Variants in POU6F2 observed in about 807,000 individuals in gnomAD.
POU6F2 encodes the protein POU domain, class 6, transcription factor 2.
Under a neutral mutation model 71.3 loss-of-function variants are expected in POU6F2, and 31 were observed. That is an observed-to-expected ratio of 0.43 (90% CI 0.33 to 0.59). The LOEUF (loss-of-function observed/expected upper bound fraction) is 0.59, where lower values mean the gene tolerates loss of function less well. Ranked by LOEUF, POU6F2 falls within the 20% of genes least tolerant of loss-of-function variation. The probability of loss-of-function intolerance (pLI) is 0.04; values close to 1 mark genes in which losing one functional copy is unlikely to be tolerated. For missense variants in POU6F2, 783 were observed against 856.8 expected, an observed-to-expected ratio of 0.91 and a Z score of 1.07; for synonymous variants, 347 against 355.7, an observed-to-expected ratio of 0.98 and a Z score of 0.27.
At chr7:39,228,583 A>G (rs543943831) in intron 4 of POU6F2, among the ~76,000 whole-genome samples, 1 of 152,362 alleles carries the variant, frequency 6.6e-6, no homozygotes, top group East Asian at 1.9e-4. Context: ...CTCAGAAAAT[A>G]AAGCGGGGTG....
chr7:39,112,412 A>G (rs944452471), intron 2 of POU6F2, among the ~76,000 whole-genome samples: 6 of 152,160 alleles, frequency 3.9e-5, no homozygotes, highest in African/African-American at 1.4e-4. Flanking sequence ...ACAGTACGTA[A>G]TATATTATTG....
At chr7:39,157,227 G>A (rs1792889382) in intron 2 of POU6F2, among the ~76,000 whole-genome samples, 1 of 152,150 alleles carries the variant, frequency 6.6e-6, no homozygotes, top group South Asian at 2.1e-4. Flanking sequence ...TGCATGAGAT[G>A]CTTATTGTTA....
At chr7:39,105,368 C>A (rs1228687922) in intron 2 of POU6F2, among the ~76,000 whole-genome samples, 1 of 151,392 alleles carries the variant, frequency 6.6e-6, no homozygotes, top group African/African-American at 2.4e-5. Context: ...TCATCTAAGT[C>A]ATAATTTTCT....
chr7:39,138,907 C>G (rs773657152), intron 2 of POU6F2, among the ~76,000 whole-genome samples: 5 of 152,118 alleles, frequency 3.3e-5, no homozygotes, highest in Non-Finnish European at 7.3e-5. Context: ...TCCTTCACCT[C>G]CTCTTGCTTG....
At chr7:39,044,544 TGATA>T (rs1235482582) in intron 1 of POU6F2, among the ~76,000 whole-genome samples, 1 of 152,016 alleles carries the variant, frequency 6.6e-6, no homozygotes, top group Non-Finnish European at 1.5e-5. Context: ...TTTCTGAGAC[TGATA>T]GATTTATAAA....
intron 2 of POU6F2, among the ~76,000 whole-genome samples, chr7:39,115,056 A>T (rs1458739007): frequency 6.6e-6 from 1 of 152,184 alleles, no homozygotes; most frequent in Non-Finnish European, 1.5e-5. Context: ...GACAAAAGTG[A>T]TCTCCCCAAT....
At chr7:39,033,886 T>C (rs1432755987) in intron 1 of POU6F2, among the ~76,000 whole-genome samples, 1 of 152,204 alleles carries the variant, frequency 6.6e-6, no homozygotes, top group Non-Finnish European at 1.5e-5. Context: ...TTTTCAGATG[T>C]GGTGCTTTTT....
chr7:38,990,948 TTTCTCGTCTA>T (rs1434805104), intron 1 of POU6F2, among the ~76,000 whole-genome samples: 1 of 152,082 alleles, frequency 6.6e-6, no homozygotes, highest in East Asian at 1.9e-4. Context: ...CTTGGTAGGT[TTTCTCGTCTA>T]TTCACATCTC....
In POU6F2 at chr7:39,214,495, G is replaced by A. The variant is rs555747474; in HGVS notation, c.598+6875G>A. On this transcript the variant is annotated intron_variant, in intron 4 of 9. Transcript: ENST00000518318. Reference sequence around the variant, plus strand: ...GCCTACTGTAGCCATCGAGGGCAAGGTCAGCAGCATTGTGATGCTTGGGCC... The same window carrying A: ...GCCTACTGTAGCCATCGAGGGCAAGATCAGCAGCATTGTGATGCTTGGGCC... 6.2e-4 allele frequency among the ~76,000 whole-genome samples: 94 copies of A among 152,308 alleles called. 2 individuals carry two copies. The South Asian group carries it at 0.019, about 31-fold the overall frequency.
At chr7:39,130,886 C>T (rs1197110887) in intron 2 of POU6F2, among the ~76,000 whole-genome samples, 1 of 152,128 alleles carries the variant, frequency 6.6e-6, no homozygotes, top group Non-Finnish European at 1.5e-5. Flanking sequence ...AGGAGGAATC[C>T]GGCCTTTCGG....
At chr7:39,227,963 C>G (rs1180097542) in intron 4 of POU6F2, among the ~76,000 whole-genome samples, 1 of 152,066 alleles carries the variant, frequency 6.6e-6, no homozygotes, top group Admixed American at 6.5e-5. Flanking sequence ...TGAAGTTGCT[C>G]TATTTTAGGT....
intron 2 of POU6F2, among the ~76,000 whole-genome samples, chr7:39,089,790 TA>T (rs1455986194): frequency 2.0e-5 from 3 of 152,228 alleles, no homozygotes. Context: ...TGAGATCTCA[TA>T]AAACATGCCC....
chr7:38,984,940 CACA>C (rs1418465910), intron 1 of POU6F2: 1 of 151,932 alleles, frequency 6.6e-6, no homozygotes, highest in Non-Finnish European at 1.5e-5. Context: ...AAGAACAAAG[CACA>C]ACATTTATAG....
Position 39,197,156 on chromosome 7 carries a change from G to A in POU6F2, c.278-7079G>A, listed in dbSNP as rs76130687. 2.5e-3 allele frequency among the ~76,000 whole-genome samples: 377 copies of A among 152,270 alleles called. 1 individual carries two copies. Among genetic ancestry groups the A allele is most frequent in the African/African-American group, 8.5e-3 (355 of 41,560 alleles). The stretch of plus-strand genomic sequence containing the variant: ...TTTCCTCACCTCCCCAGGACAGGAC[G>A]GGCTCTGGCTGCCCACTCTCTGCCC... On this transcript the variant is annotated intron_variant, in intron 2 of 9. Transcript: ENST00000518318.
At chr7:39,081,988 T>A (rs1032773086) in intron 1 of POU6F2, among the ~76,000 whole-genome samples, 9 of 152,226 alleles carry the variant, frequency 5.9e-5, no homozygotes, top group African/African-American at 9.6e-5. Flanking sequence ...CTCCGTCTCT[T>A]ACCCATACAA....
At chr7:39,418,083 A>G (rs1248900011) in intron 6 of POU6F2, among the ~76,000 whole-genome samples, 3 of 152,210 alleles carry the variant, frequency 2.0e-5, no homozygotes, top group Non-Finnish European at 2.9e-5. Flanking sequence ...GAAACTTCCA[A>G]TATCACCCAA....
At chr7:39,254,257 AT>A (rs1783976389) in intron 4 of POU6F2, among the ~76,000 whole-genome samples, 1 of 152,116 alleles carries the variant, frequency 6.6e-6, no homozygotes, top group African/African-American at 2.4e-5. Context: ...CCTCTTTCTT[AT>A]TTTTTTGTTT....
chr7:39,045,747 C>T (rs1790280567), intron 1 of POU6F2, among the ~76,000 whole-genome samples: 1 of 151,898 alleles, frequency 6.6e-6, no homozygotes. Flanking sequence ...CCCCAGGCAA[C>T]CAAAGGTCTG....
intron 1 of POU6F2, among the ~76,000 whole-genome samples, chr7:39,078,076 A>G (rs142814265): frequency 4.6e-5 from 7 of 152,350 alleles, no homozygotes; most frequent in East Asian, 3.9e-4. Context: ...GGTTTGCTAC[A>G]TCGTCCTCAA....
Sources: allele counts gnomAD v4.1 joint callset (sites outside exome capture counted in the v4.1 genomes callset), GRCh38; gene constraint gnomAD v4.1.1; transcripts MANE v1.5; gene names NCBI Gene and HGNC (gene_info 2026-07-23, HGNC 2026-07-21).